Variants in ADARB2 observed in about 807,000 individuals in gnomAD.
The protein encoded by ADARB2 is inactive double-stranded RNA-specific editase B2.
In ADARB2, 25 loss-of-function variants were observed where a neutral mutation model predicts 62.2. That is an observed-to-expected ratio of 0.40 (90% CI 0.29 to 0.56). The LOEUF is 0.56. Among genes scored for constraint, ADARB2 ranks in the 20% least tolerant of loss-of-function variants. ADARB2 has a pLI of 0.43. For synonymous variants in ADARB2, 572 were observed against 500.8 expected, an observed-to-expected ratio of 1.14 and a Z score of -1.90; for missense variants, 1,071 against 1,077.4, an observed-to-expected ratio of 0.99 and a Z score of 0.08.
intron 1 of ADARB2, among the ~76,000 whole-genome samples, chr10:1,673,170 A>G (rs890379555): frequency 5.9e-5 from 9 of 152,224 alleles, no homozygotes; most frequent in Non-Finnish European, 5.9e-5. Context: ...TTATTCTGGC[A>G]TTGGGAAGAC....
chr10:1,222,980 G>A (rs940108346), intron 6 of ADARB2, among the ~76,000 whole-genome samples: 7 of 152,068 alleles, frequency 4.6e-5, no homozygotes, highest in Non-Finnish European at 8.8e-5. Context: ...GATGGGGATG[G>A]TATTGAGTCT....
At chr10:1,546,372 G>A (rs908988029) in intron 1 of ADARB2, among the ~76,000 whole-genome samples, 4 of 152,214 alleles carry the variant, frequency 2.6e-5, no homozygotes, top group South Asian at 2.1e-4. Flanking sequence ...CGGCCTCCAC[G>A]GGGTGGGAAG....
chr10:1,464,535 T>C, intron 1 of ADARB2, among the ~76,000 whole-genome samples: 1 of 72,634 alleles, frequency 1.4e-5, no homozygotes, highest in Non-Finnish European at 3.0e-5. Context: ...GGACACACAC[T>C]CCCCCACACA....
chr10:1,412,363 T>C (rs1832766528), intron 1 of ADARB2, among the ~76,000 whole-genome samples: 1 of 152,160 alleles, frequency 6.6e-6, no homozygotes, highest in Non-Finnish European at 1.5e-5. Flanking sequence ...GATTAAAAGA[T>C]GTGTTTTTTT....
chr10:1,188,711 A>C (rs1166842987), intron 8 of ADARB2, among the ~76,000 whole-genome samples: 1 of 151,768 alleles, frequency 6.6e-6, no homozygotes, highest in Non-Finnish European at 1.5e-5. Flanking sequence ...GCTGTGACTA[A>C]TATCTGCAGC....
intron 1 of ADARB2, among the ~76,000 whole-genome samples, chr10:1,510,110 CTCTT>C (rs35894676): frequency 0.09 from 9,574 of 105,842 alleles, 434 homozygotes; most frequent in African/African-American, 0.097. Flanking sequence ...CTTTCTTTCT[CTCTT>C]TCTTTCTTTC....
chr10:1,224,584 C>G (rs1036800271), intron 6 of ADARB2, among the ~76,000 whole-genome samples: 13 of 152,178 alleles, frequency 8.5e-5, no homozygotes, highest in Non-Finnish European at 1.2e-4. Flanking sequence ...TTTCCCTCTA[C>G]ACACTGCTTC....
At chr10:1,384,359 T>C (rs1047004858) in intron 1 of ADARB2, among the ~76,000 whole-genome samples, 1 of 152,140 alleles carries the variant, frequency 6.6e-6, no homozygotes, top group Non-Finnish European at 1.5e-5. Context: ...AAATGGTAAG[T>C]GCATTATAGC....
At chr10:1,414,955 G>A (rs1832789721) in intron 1 of ADARB2, among the ~76,000 whole-genome samples, 1 of 151,774 alleles carries the variant, frequency 6.6e-6, no homozygotes, top group East Asian at 1.9e-4. Context: ...GTGGATGGGT[G>A]GGTGGCTATA....
intron 3 of ADARB2, among the ~76,000 whole-genome samples, chr10:1,279,243 G>A (rs1345951733): frequency 6.6e-6 from 1 of 152,184 alleles, no homozygotes; most frequent in Non-Finnish European, 1.5e-5. Flanking sequence ...CTTGTCATGT[G>A]CTACATGAAC....
intron 1 of ADARB2, among the ~76,000 whole-genome samples, chr10:1,448,211 C>T (rs1261910694): frequency 6.6e-6 from 1 of 152,160 alleles, no homozygotes; most frequent in Non-Finnish European, 1.5e-5. Flanking sequence ...ACATATAAGA[C>T]AGTATCTATG....
intron 1 of ADARB2, among the ~76,000 whole-genome samples, chr10:1,480,508 C>G (rs900117143): frequency 6.6e-6 from 1 of 152,152 alleles, no homozygotes; most frequent in Non-Finnish European, 1.5e-5. Context: ...ACCATCCTGG[C>G]TAACATGGTG....
intron 1 of ADARB2, among the ~76,000 whole-genome samples, chr10:1,623,032 T>G (rs969722292): frequency 4.6e-5 from 7 of 152,018 alleles, no homozygotes; most frequent in African/African-American, 1.7e-4. Context: ...CCAACACAGA[T>G]GAGCCTCAAA....
At chr10:1,695,125 G>A (rs1451584726) in intron 1 of ADARB2, among the ~76,000 whole-genome samples, 1 of 152,154 alleles carries the variant, frequency 6.6e-6, no homozygotes, top group Non-Finnish European at 1.5e-5. Flanking sequence ...TCAGCAGACG[G>A]TTCACTCACC....
At chr10:1,328,585 C>G (rs888786769) in intron 3 of ADARB2, among the ~76,000 whole-genome samples, 7 of 151,948 alleles carry the variant, frequency 4.6e-5, no homozygotes, top group African/African-American at 7.3e-5. Context: ...ATTCCTGGAG[C>G]GGGACAGCCT....
intron 1 of ADARB2, among the ~76,000 whole-genome samples, chr10:1,415,024 TGATA>T (rs141839771): frequency 0.013 from 2,011 of 149,752 alleles, 101 homozygotes; most frequent in East Asian, 0.094. Context: ...GATAGATGGA[TGATA>T]GATGGATGGA....
chr10:1,436,194 T>A (rs773358307), intron 1 of ADARB2, among the ~76,000 whole-genome samples: 2 of 152,228 alleles, frequency 1.3e-5, no homozygotes, highest in Non-Finnish European at 2.9e-5. Flanking sequence ...AACACCTCTA[T>A]TCAAATAGAG....
At chr10:1,454,214 A>G (rs566293408) in intron 1 of ADARB2, among the ~76,000 whole-genome samples, 19 of 152,290 alleles carry the variant, frequency 1.2e-4, no homozygotes, top group Middle Eastern at 3.4e-3. Flanking sequence ...TTTCACTGTC[A>G]TGAGAACAGC....
At chr10:1,367,911 G>A (rs981524123) in intron 2 of ADARB2, among the ~76,000 whole-genome samples, 1 of 152,226 alleles carries the variant, frequency 6.6e-6, no homozygotes, top group Admixed American at 6.5e-5. Context: ...TATAAACCAT[G>A]AATGTCAGAT....
Sources: gnomAD v4.1 joint callset for allele counts (sites outside exome capture counted in the v4.1 genomes callset) on GRCh38, gnomAD v4.1.1 for gene constraint, MANE v1.5 for transcripts, NCBI Gene and HGNC (gene_info 2026-07-23, HGNC 2026-07-21) for gene names.